The following GNG4 variants were observed in gnomAD, a reference collection of about 807,000 sequenced individuals.
GNG4 encodes G protein subunit gamma 4.
GNG4 carries 4 observed loss-of-function variants against 5.8 expected under a neutral mutation model. The observed-to-expected ratio is 0.69, with a 90% CI of 0.34 to 1.57. GNG4 has a LOEUF of 1.57. Ranked by LOEUF, GNG4 falls within the 40% of genes most tolerant of loss-of-function variation. The pLI, the probability that GNG4 is intolerant of heterozygous loss-of-function variation, is 0.06. For missense variants in GNG4, 96 were observed against 95.1 expected (o/e 1.01, Z -0.04); for synonymous variants, 29 against 32.9 (o/e 0.88, Z 0.41).
At chr1:235,600,129 T>TTTTTTTTA (rs1289825136) in intron 1 of GNG4, among the ~76,000 whole-genome samples, 5 of 113,110 alleles carry the variant, frequency 4.4e-5, no homozygotes, top group African/African-American at 1.4e-4. Context: ...TTTTTTTTTT[T>TTTTTTTTA]AGACAGGCAG....
chr1:235,594,427 C>A (rs1688072137), intron 2 of GNG4, among the ~76,000 whole-genome samples: 1 of 152,380 alleles, frequency 6.6e-6, no homozygotes, highest in East Asian at 1.9e-4. Context: ...CCATGCCATG[C>A]GCCCACACTC....
At chr1:235,624,776 GC>G (rs1688776669) in intron 1 of GNG4, among the ~76,000 whole-genome samples, 1 of 152,086 alleles carries the variant, frequency 6.6e-6, no homozygotes. Flanking sequence ...TTTCCTTGTT[GC>G]CTTTGGCTCC....
intron 2 of GNG4, among the ~76,000 whole-genome samples, chr1:235,594,117 C>A (rs1165554937): frequency 6.6e-6 from 1 of 152,190 alleles, no homozygotes. Flanking sequence ...AAGTTCTCCA[C>A]GTCCCCACTA....
chr1:235,555,776 A>G (rs1287745961), intron 3 of GNG4, among the ~76,000 whole-genome samples: 1 of 152,178 alleles, frequency 6.6e-6, no homozygotes, highest in Non-Finnish European at 1.5e-5. Flanking sequence ...ATACGTGTAT[A>G]CATTATAGAA....
At chr1:235,573,740 G>A (rs1687408824) in intron 3 of GNG4, among the ~76,000 whole-genome samples, 1 of 152,062 alleles carries the variant, frequency 6.6e-6, no homozygotes, top group Non-Finnish European at 1.5e-5. Flanking sequence ...TCGTGCCACT[G>A]CACTCCAGCC....
At chr1:235,565,416 A>G (rs1011522758) in intron 3 of GNG4, among the ~76,000 whole-genome samples, 1 of 152,228 alleles carries the variant, frequency 6.6e-6, no homozygotes, top group African/African-American at 2.4e-5. Flanking sequence ...ATGCAGGAGA[A>G]TCACTTGAAC....
intron 1 of GNG4, among the ~76,000 whole-genome samples, chr1:235,621,297 C>CTTT (rs1220366662): frequency 2.8e-5 from 2 of 72,042 alleles, no homozygotes; most frequent in African/African-American, 6.0e-5. Flanking sequence ...CTTTTCTTTT[C>CTTT]TTTTTTTTTT....
At chr1:235,598,164 T>A (rs1229537990) in intron 1 of GNG4, among the ~76,000 whole-genome samples, 3 of 152,200 alleles carry the variant, frequency 2.0e-5, no homozygotes, top group South Asian at 2.1e-4. Context: ...CCTCTGGGAA[T>A]GTACAGAGAC....
intron 1 of GNG4, among the ~76,000 whole-genome samples, chr1:235,610,210 C>T (rs1034356348): frequency 1.3e-5 from 2 of 152,162 alleles, no homozygotes; most frequent in Non-Finnish European, 2.9e-5. Context: ...TGTAGAACAC[C>T]CCTCAATTCG....
At position 235,649,150 on chromosome 1, in the gene GNG4, A is replaced by T. The variant is rs1415418128; in HGVS notation, c.-123+512T>A. Among the ~76,000 whole-genome samples, 1 of 152,150 alleles carries T rather than the reference A, an allele frequency of 6.6e-6. No homozygotes were observed. The highest frequency in any genetic ancestry group is 1.5e-5 in the Non-Finnish European group (1 of 68,016). ...CTGCGGTGGCTCCAGCGTCACCCCG[A>T]GTGCTCCCGAGGCGGCGTCTGGGCT... On this transcript the variant is annotated intron_variant, in intron 1 of 3. Coordinates refer to ENST00000391854, the MANE Select transcript of GNG4 (RefSeq NM_001098722.2). The surrounding 1 kb of genome is among the most constrained non-coding windows in gnomAD (Gnocchi z 5.7).
chr1:235,606,761 G>A (rs1380610317), intron 1 of GNG4, among the ~76,000 whole-genome samples: 1 of 152,040 alleles, frequency 6.6e-6, no homozygotes, highest in Non-Finnish European at 1.5e-5. Context: ...GTAGGGGCAG[G>A]GGAAGTCCTG....
chr1:235,550,836 C>T lies in GNG4; in HGVS notation c.*1273G>A, dbSNP rs1452785754. The T allele has an allele frequency of 6.6e-6, 1 of 152,094 alleles. No individual in the cohort carries two copies. The highest frequency in any genetic ancestry group is 1.5e-5 in the Non-Finnish European group (1 of 68,014). 9.4% of individuals were successfully genotyped at this position (152,094 alleles called of 1,614,324 possible). A position where few individuals can be genotyped will look rare whatever the true frequency, so the allele number is the denominator to read the frequency against. Reference sequence around the variant, plus strand: ...ATAAATAAAATAAAACAGACATGCACTTATGGTATTTATTGTTGGAAGATT... The same window carrying T: ...ATAAATAAAATAAAACAGACATGCATTTATGGTATTTATTGTTGGAAGATT... On this transcript the variant is annotated 3_prime_UTR_variant, in exon 4 of 4. Coordinates refer to ENST00000391854, the MANE Select transcript of GNG4 (RefSeq NM_001098722.2).
chr1:235,552,105 G>A lies in GNG4; in HGVS notation c.*4C>T, dbSNP rs766868956. On this transcript the variant is annotated 3_prime_UTR_variant, in exon 4 of 4. Coordinates refer to ENST00000391854, the MANE Select transcript of GNG4 (RefSeq NM_001098722.2). ...AAAAGGAGGCGTTTTCATCACACAC[G>A]GAGTTAGAGAATGGTACAAAAGAAC... The A allele has an allele frequency of 1.4e-5, 22 of 1,613,262 alleles. No homozygotes were observed. Among genetic ancestry groups the A allele is most frequent in the East Asian group, 8.9e-5 (4 of 44,854 alleles).
chr1:235,625,576 C>T (rs1241795218), intron 1 of GNG4, among the ~76,000 whole-genome samples: 1 of 152,194 alleles, frequency 6.6e-6, no homozygotes, highest in African/African-American at 2.4e-5. Flanking sequence ...TTCAACCCTC[C>T]CCAACGCCAC....
chr1:235,563,285 T>C (rs1687113209), intron 3 of GNG4, among the ~76,000 whole-genome samples: 1 of 151,686 alleles, frequency 6.6e-6, no homozygotes, highest in South Asian at 2.1e-4. Context: ...TAGCCGGGCG[T>C]AGCGGTGCGC....
At chr1:235,594,780 C>T (rs943051575) in intron 2 of GNG4, among the ~76,000 whole-genome samples, 2 of 152,224 alleles carry the variant, frequency 1.3e-5, no homozygotes, top group African/African-American at 4.8e-5. Flanking sequence ...CACCTCCCTG[C>T]AAGCTGAGGG....
intron 1 of GNG4, among the ~76,000 whole-genome samples, chr1:235,596,088 A>G (rs1442598890): frequency 1.3e-5 from 2 of 151,890 alleles, no homozygotes; most frequent in African/African-American, 2.4e-5. Flanking sequence ...GCAGGAGAAT[A>G]GTGTGAACCC....
At chr1:235,639,559 TC>T (rs11306822) in intron 1 of GNG4, among the ~76,000 whole-genome samples, 79,231 of 151,264 alleles carry the variant, frequency 0.52, 23,108 homozygotes, top group East Asian at 0.85. Flanking sequence ...GCTTTTTTTT[TC>T]TGAGACAGAG....
rs890044161 is a variant in GNG4 at position 235,552,195 on chromosome 1, G to C, written c.142C>G (p.His48Asp). 6.2e-7 allele frequency: 1 copy of C among 1,613,860 alleles called. No homozygotes were observed. Among genetic ancestry groups the C allele is most frequent in the Non-Finnish European group, 8.5e-7 (1 of 1,179,706 alleles). ...ATGATGAGAGGATCTTCCCGCACGT[G>C]AGCTTCACAGTAGGCCAGGAGGTCC... is the stretch of plus-strand genomic sequence containing the variant. ...AADLLAYCEAHVREDPLIIPV... is the reference protein window; with the variant it reads ...AADLLAYCEADVREDPLIIPV... The change falls in exon 4 of 4, where the codon CAC (histidine) becomes GAC (aspartate). Residue 48 changes from histidine (H) to aspartate (D), a missense_variant. Transcript: ENST00000391854.
Sources: gnomAD v4.1 joint callset for allele counts (sites outside exome capture counted in the v4.1 genomes callset) on GRCh38, gnomAD v4.1.1 for gene constraint, Gnocchi (gnomAD v3.1) non-coding constraint, MANE v1.5 for transcripts, NCBI Gene and HGNC (gene_info 2026-07-23, HGNC 2026-07-21) for gene names.